Variants in SYNJ1 observed in about 807,000 individuals in gnomAD.
SYNJ1 encodes synaptojanin 1, also known as polyphosphatidylinositol phosphatase SYNJ1.
In SYNJ1, 78 loss-of-function variants were observed where a neutral mutation model predicts 168.2. The observed-to-expected ratio is 0.46, with a 90% CI of 0.39 to 0.56. The LOEUF is 0.56. Ranked by LOEUF, SYNJ1 falls within the 20% of genes least tolerant of loss-of-function variation. SYNJ1 has a pLI of 0.00. For missense variants in SYNJ1, 1,303 were observed against 1,597.6 expected (o/e 0.82, Z 3.14); for synonymous variants, 539 against 548.6 (o/e 0.98, Z 0.24).
chr21:32,681,276 T>C (rs191623117), intron 11 of SYNJ1, among the ~76,000 whole-genome samples: 1 of 152,322 alleles, frequency 6.6e-6, no homozygotes, highest in Admixed American at 6.5e-5. Context: ...ACGTTATATA[T>C]ACATACTTCC....
chr21:32,636,717 T>C (rs1455255221), intron 31 of SYNJ1, among the ~76,000 whole-genome samples: 5 of 152,016 alleles, frequency 3.3e-5, no homozygotes, highest in Non-Finnish European at 7.4e-5. Flanking sequence ...GCCCCCAGCA[T>C]TGGGCATTCC....
intron 2 of SYNJ1, among the ~76,000 whole-genome samples, chr21:32,717,295 A>G (rs2146348027): frequency 6.6e-6 from 1 of 151,776 alleles, no homozygotes; most frequent in Non-Finnish European, 1.5e-5. Context: ...TAACAGGTTC[A>G]TTTTTTCCTC....
chr21:32,647,953 G>A (rs959425219), intron 23 of SYNJ1, among the ~76,000 whole-genome samples: 2 of 152,086 alleles, frequency 1.3e-5, no homozygotes, highest in African/African-American at 4.8e-5. Flanking sequence ...CTGAAACTGT[G>A]AGCTGTCCCA....
chr21:32,635,015 C>T, intron 31 of SYNJ1, 131 bp from the exon 32 acceptor site: 2 of 854,172 alleles, frequency 2.3e-6, no homozygotes, highest in East Asian at 2.7e-5. Flanking sequence ...GCAATATTTG[C>T]AGGTTGTAAC....
chr21:32,632,856 T>A (rs1345880702), intron 32 of SYNJ1, among the ~76,000 whole-genome samples: 4 of 152,008 alleles, frequency 2.6e-5, no homozygotes, highest in African/African-American at 9.7e-5. Context: ...CTGTCTCTAC[T>A]AAAAATACAA....
At chr21:32,699,441 A>T (rs1296341803) in intron 4 of SYNJ1, among the ~76,000 whole-genome samples, 2 of 152,290 alleles carry the variant, frequency 1.3e-5, no homozygotes, top group East Asian at 1.9e-4. Context: ...TTTTGTACTC[A>T]TTATGCCTGC....
intron 15 of SYNJ1, among the ~76,000 whole-genome samples, chr21:32,668,494 T>G (rs1205021083): frequency 6.6e-6 from 1 of 152,208 alleles, no homozygotes; most frequent in African/African-American, 2.4e-5. Flanking sequence ...CTGAATATAT[T>G]TTTCAGGAAA....
chr21:32,670,000 G>A (rs2041125514), intron 15 of SYNJ1, among the ~76,000 whole-genome samples: 2 of 152,072 alleles, frequency 1.3e-5, no homozygotes, highest in South Asian at 4.2e-4. Context: ...CATGTAATAG[G>A]TTTATTATTG....
Position 32,726,781 on chromosome 21 carries a change from C to T in SYNJ1, c.115G>A (p.Ala39Thr). The T allele has an allele frequency of 1.2e-6, 2 of 1,614,088 alleles. No individual in the cohort carries two copies. Among genetic ancestry groups the T allele is most frequent in the Non-Finnish European group, 1.7e-6 (2 of 1,179,994 alleles). The part of the protein sequence containing the change: ...ECLMFESGAV[A>T]VLSSAEKEAI... ...CTAACAGATGACTTACAGAGCACAG[C>T]GACAGCCCCAGACTCGAACATGAGA... The change falls in exon 2 of 33, where the codon GCT (alanine) becomes ACT (threonine). Residue 39 changes from alanine to threonine, a missense_variant. Ala to Thr is a moderately conservative substitution (Grantham distance 58, BLOSUM62 0). Coordinates refer to ENST00000674351, the MANE Select transcript of SYNJ1 (RefSeq NM_203446.3).
chr21:32,713,448 A>G (rs1345108316), intron 2 of SYNJ1, among the ~76,000 whole-genome samples: 2 of 123,760 alleles, frequency 1.6e-5, no homozygotes, highest in African/African-American at 6.5e-5. Flanking sequence ...CCATATGTCA[A>G]CATGGATGAT....
upstream of SYNJ1, chr21:32,728,032 CT>C: frequency 6.5e-7 from 1 of 1,533,782 alleles, no homozygotes; most frequent in South Asian, 1.2e-5. Flanking sequence ...AGGCCCATCT[CT>C]TCCGCATTGC....
At chr21:32,639,274 G>A in intron 30 of SYNJ1, 149 bp from the exon 31 acceptor site, 1 of 733,694 alleles carries the variant, frequency 1.4e-6, no homozygotes, top group Non-Finnish European at 2.2e-6. Context: ...GAAGGATATA[G>A]CTATCTGAAT....
chr21:32,695,084 A>G lies in SYNJ1; in HGVS notation c.678T>C (p.His226=). ...FNVRGTNDDG[H]VANFVETEQV... The stretch of plus-strand genomic sequence containing the variant: ...GTTCTGTTTCTACAAAATTGGCAAC[A>G]TGACCATCATCATTTGTTCCCCGGA... Residue 226 remains histidine, a synonymous_variant, in exon 5 of 33, where the codon CAT becomes CAC. Coordinates refer to ENST00000674351, the MANE Select transcript of SYNJ1 (RefSeq NM_203446.3). 1.9e-6 allele frequency: 3 copies of G among 1,614,206 alleles called. No individual in the cohort carries two copies. Among genetic ancestry groups the G allele is most frequent in the Non-Finnish European group, 2.5e-6 (3 of 1,180,018 alleles).
At chr21:32,672,681 T>C (rs1411434408) in intron 14 of SYNJ1, among the ~76,000 whole-genome samples, 3 of 152,348 alleles carry the variant, frequency 2.0e-5, no homozygotes, top group East Asian at 1.9e-4. Context: ...TGTTTGGTTC[T>C]GGCTATTTAT....
rs1198648428 is a variant in SYNJ1 at position 32,664,999 on chromosome 21, C to T, written c.2218G>A (p.Glu740Lys). The T allele has an allele frequency of 6.2e-6, 10 of 1,613,674 alleles. No homozygotes were observed. Among genetic ancestry groups the T allele is most frequent in the Admixed American group, 1.7e-5 (1 of 60,010 alleles). ...TGTCTTATGAGCTCTTTAACTTCTTCGTTAGGGAGATCGATTCGATAGTTG... is the reference window on the plus strand; with the variant it reads ...TGTCTTATGAGCTCTTTAACTTCTTTGTTAGGGAGATCGATTCGATAGTTG... ...DFNYRIDLPN[E>K]EVKELIRQQN... is the part of the protein sequence containing the mutation. Residue 740 changes from glutamate (E) to lysine (K), a missense_variant, in exon 18 of 33, where the codon GAA (glutamate) becomes AAA (lysine). By Grantham distance (56) the Glu-to-Lys change is moderately conservative. Transcript: ENST00000674351.
At chr21:32,676,395 A>G (rs2041410470) in intron 12 of SYNJ1, 40 bp from the exon 13 acceptor site, 1 of 1,590,136 alleles carries the variant, frequency 6.3e-7, no homozygotes, top group African/African-American at 1.4e-5. Context: ...ATCATTAGTA[A>G]AAACAAGTTA....
chr21:32,705,443 T>C (rs556569056), intron 2 of SYNJ1, among the ~76,000 whole-genome samples: 2 of 152,286 alleles, frequency 1.3e-5, no homozygotes, highest in African/African-American at 4.8e-5. Flanking sequence ...AAACATAGTA[T>C]TGTGCCAAAA....
intron 32 of SYNJ1, among the ~76,000 whole-genome samples, chr21:32,632,982 C>A (rs781534830): frequency 6.6e-6 from 1 of 151,956 alleles, no homozygotes; most frequent in East Asian, 1.9e-4. Context: ...ATCGCACCAC[C>A]GCACTCCAGC....
chr21:32,654,285 A>C (rs1049492006), intron 21 of SYNJ1, among the ~76,000 whole-genome samples: 6 of 152,342 alleles, frequency 3.9e-5, no homozygotes, highest in African/African-American at 1.2e-4. Flanking sequence ...AAAAGTGTGC[A>C]TAAGTACTTC....
Sources: gnomAD v4.1 joint callset for allele counts (sites outside exome capture counted in the v4.1 genomes callset) on GRCh38, gnomAD v4.1.1 for gene constraint, MANE v1.5 for transcripts, NCBI Gene and HGNC (gene_info 2026-07-23, HGNC 2026-07-21) for gene names.